Variants in STK39 observed in about 807,000 individuals in gnomAD.
STK39 encodes serine/threonine kinase 39.
Under a neutral mutation model 77.8 loss-of-function variants are expected in STK39, and 20 were observed. That is an observed-to-expected ratio of 0.26 (90% CI 0.18 to 0.37). The LOEUF (loss-of-function observed/expected upper bound fraction) is 0.37, where lower values mean the gene tolerates loss of function less well. Ranked by LOEUF, STK39 falls within the 10% of genes least tolerant of loss-of-function variation. The pLI, the probability that STK39 is intolerant of heterozygous loss-of-function variation, is 1.00. For synonymous variants in STK39, 246 were observed against 234.1 expected (o/e 1.05, Z -0.47); for missense variants, 479 against 656.5 (o/e 0.73, Z 2.95).
intron 14 of STK39, among the ~76,000 whole-genome samples, chr2:168,035,167 TG>T: frequency 6.6e-6 from 1 of 152,340 alleles, no homozygotes; most frequent in East Asian, 1.9e-4. Context: ...AAAAGATTTC[TG>T]CCTTTGAGGG....
chr2:167,983,221 T>A (rs1053980122), intron 16 of STK39, among the ~76,000 whole-genome samples: 9 of 152,138 alleles, frequency 5.9e-5, no homozygotes, highest in Non-Finnish European at 1.2e-4. Flanking sequence ...GGTTCGTGAC[T>A]GTAATCCCAG....
At chr2:168,211,081 A>C (rs888455465) in intron 1 of STK39, among the ~76,000 whole-genome samples, 1 of 152,230 alleles carries the variant, frequency 6.6e-6, no homozygotes, top group African/African-American at 2.4e-5. Context: ...GAACAAACTG[A>C]AACTTCAGTT....
At chr2:167,967,786 T>G (rs906355347) in intron 16 of STK39, among the ~76,000 whole-genome samples, 1 of 152,194 alleles carries the variant, frequency 6.6e-6, no homozygotes, top group African/African-American at 2.4e-5. Context: ...ATTCTCCACA[T>G]TTTTTAAAAT....
chr2:168,152,492 C>T (rs888682725), intron 5 of STK39, among the ~76,000 whole-genome samples: 15 of 152,154 alleles, frequency 9.9e-5, no homozygotes, highest in Admixed American at 2.6e-4. Context: ...TGAGCCCCGG[C>T]GCTCCTCAAC....
intron 1 of STK39, among the ~76,000 whole-genome samples, chr2:168,230,974 C>G (rs182892019): frequency 6.6e-6 from 1 of 152,140 alleles, no homozygotes; most frequent in African/African-American, 2.4e-5. Context: ...TACAGAATCC[C>G]ACCCACCACC....
At chr2:168,230,496 C>G (rs1016519425) in intron 1 of STK39, among the ~76,000 whole-genome samples, 8 of 152,216 alleles carry the variant, frequency 5.3e-5, no homozygotes, top group African/African-American at 1.7e-4. Flanking sequence ...CCCAGCCAAG[C>G]TGACCATGGG....
rs547595030 is a variant in STK39, at chr2:168,191,693, C to T, written c.209-9603G>A. Among the ~76,000 whole-genome samples, 3 of 152,330 alleles carry T rather than the reference C, an allele frequency of 2.0e-5. No individual in the cohort carries two copies. In the South Asian group the frequency reaches 6.2e-4, roughly 32 times the overall value. On this transcript the variant is annotated intron_variant, in intron 1 of 17. Transcript: ENST00000355999. ...ATGGTTCCCTCCTGCGTATCAGCTT[C>T]TCTCGCCACACCTCTGCCAGGATTC... is the stretch of plus-strand genomic sequence containing the variant.
At chr2:168,134,564 A>T (rs985736747) in intron 8 of STK39, among the ~76,000 whole-genome samples, 6 of 151,986 alleles carry the variant, frequency 3.9e-5, no homozygotes, top group African/African-American at 1.4e-4. Context: ...CATACAAAGC[A>T]TGTAGTCTAC....
intron 1 of STK39, among the ~76,000 whole-genome samples, chr2:168,225,766 A>C (rs1440994384): frequency 6.6e-6 from 1 of 152,194 alleles, no homozygotes; most frequent in Non-Finnish European, 1.5e-5. Context: ...GTGACCAGTT[A>C]CTTACCTAAG....
intron 16 of STK39, among the ~76,000 whole-genome samples, chr2:168,001,385 A>T (rs1574381555): frequency 6.6e-6 from 1 of 152,080 alleles, no homozygotes; most frequent in South Asian, 2.1e-4. Context: ...TCGGCAGGTG[A>T]CCAGTCCAGA....
intron 1 of STK39, among the ~76,000 whole-genome samples, chr2:168,201,400 G>T (rs1202768990): frequency 6.6e-6 from 1 of 152,200 alleles, no homozygotes; most frequent in East Asian, 1.9e-4. Context: ...GCATATTTAT[G>T]GGCAGGCCTG....
At chr2:167,981,994 C>T (rs1328328411) in intron 16 of STK39, among the ~76,000 whole-genome samples, 3 of 152,176 alleles carry the variant, frequency 2.0e-5, no homozygotes, top group Non-Finnish European at 4.4e-5. Flanking sequence ...TTGCCAGAAA[C>T]TTGACATACT....
At chr2:167,973,005 C>T (rs1325782921) in intron 16 of STK39, among the ~76,000 whole-genome samples, 1 of 152,070 alleles carries the variant, frequency 6.6e-6, no homozygotes, top group Non-Finnish European at 1.5e-5. Flanking sequence ...AAGGACTCCA[C>T]CCTAAAGCCA....
intron 2 of STK39, among the ~76,000 whole-genome samples, chr2:168,178,851 A>C (rs1328638635): frequency 6.6e-6 from 1 of 152,166 alleles, no homozygotes; most frequent in East Asian, 1.9e-4. Flanking sequence ...CACATAAAGA[A>C]GTCGAGTTCT....
intron 14 of STK39, among the ~76,000 whole-genome samples, chr2:168,055,096 T>C (rs946397193): frequency 6.6e-6 from 1 of 152,144 alleles, no homozygotes; most frequent in Non-Finnish European, 1.5e-5. Flanking sequence ...AAAAAGAACA[T>C]GTACTAAAAA....
intron 1 of STK39, among the ~76,000 whole-genome samples, chr2:168,185,670 TAC>T (rs1248285826): frequency 1.3e-5 from 2 of 152,226 alleles, no homozygotes; most frequent in Non-Finnish European, 2.9e-5. Context: ...CATGAAAAAC[TAC>T]AGTGTTTATT....
intron 1 of STK39, among the ~76,000 whole-genome samples, chr2:168,182,602 G>A (rs554946439): frequency 6.6e-6 from 1 of 152,298 alleles, no homozygotes; most frequent in Admixed American, 6.5e-5. Context: ...TTTCAAGGAT[G>A]CCAAGCAAAA....
chr2:167,963,465 T>A (rs1015545526), intron 17 of STK39, among the ~76,000 whole-genome samples: 1 of 151,454 alleles, frequency 6.6e-6, no homozygotes, highest in Non-Finnish European at 1.5e-5. Flanking sequence ...TAAAGGGACA[T>A]ATATTGGCTT....
intron 14 of STK39, among the ~76,000 whole-genome samples, chr2:168,017,791 C>T (rs746626000): frequency 6.6e-5 from 10 of 152,060 alleles, no homozygotes; most frequent in East Asian, 3.9e-4. Context: ...ACAGGGAAGA[C>T]GGTCTCAGTG....
Sources: allele counts gnomAD v4.1 joint callset (sites outside exome capture counted in the v4.1 genomes callset), GRCh38; gene constraint gnomAD v4.1.1; transcripts MANE v1.5; gene names NCBI Gene and HGNC (gene_info 2026-07-23, HGNC 2026-07-21).